Variants in ERCC6 observed in about 807,000 individuals in gnomAD.
The protein encoded by ERCC6 is DNA excision repair protein ERCC-6.
Under a neutral mutation model 158.7 loss-of-function variants are expected in ERCC6, and 116 were observed. That is an observed-to-expected ratio of 0.73 (90% CI 0.63 to 0.85). ERCC6 has a LOEUF of 0.85. ERCC6 is among the 40% of genes least tolerant of loss of function. The probability of loss-of-function intolerance (pLI) is 0.00; values close to 1 mark genes in which losing one functional copy is unlikely to be tolerated. For synonymous variants in ERCC6, 678 were observed against 659.3 expected (o/e 1.03, Z -0.43); for missense variants, 1,698 against 1,799.4 (o/e 0.94, Z 1.02).
chr10:49,436,925 C>T, the ERCC6 span, among the ~76,000 whole-genome samples: 1 of 151,980 alleles, frequency 6.6e-6, no homozygotes, highest in Non-Finnish European at 1.5e-5. Context: ...CATATCATAC[C>T]ATGGTGAAAC....
chr10:49,475,882 GA>G (rs760374110), intron 12 of ERCC6, among the ~76,000 whole-genome samples: 7 of 152,136 alleles, frequency 4.6e-5, no homozygotes, highest in Non-Finnish European at 8.8e-5. Context: ...TAATATCTGG[GA>G]AAATGCAGCT....
At position 49,474,047 on chromosome 10, in the gene ERCC6, G is replaced by A. The variant is rs1481948844; in HGVS notation, c.2578C>T (p.Leu860=). ...IWHKQGQRVL[L]FSQSRQMLDI... Reference sequence around the variant, plus strand: ...CTCACCTGCCTTGACTGAGAAAACAGCAATACTCGCTGACCCTGCTTGTGC... The same window carrying A: ...CTCACCTGCCTTGACTGAGAAAACAACAATACTCGCTGACCCTGCTTGTGC... Residue 860 remains leucine, a synonymous_variant, in exon 13 of 21, where the codon CTG becomes TTG. Transcript: ENST00000355832. 6.2e-7 allele frequency: 1 copy of A among 1,614,012 alleles called. No homozygotes were observed. The highest frequency in any genetic ancestry group is 8.5e-7 in the Non-Finnish European group (1 of 1,180,008).
chr10:49,490,297 T>C (rs1187585252), intron 8 of ERCC6, among the ~76,000 whole-genome samples: 1 of 151,448 alleles, frequency 6.6e-6, no homozygotes, highest in Non-Finnish European at 1.5e-5. Context: ...GGAAGAAGAA[T>C]GATAGATGTG....
chr10:49,481,814 C>A (rs577050209), intron 10 of ERCC6, among the ~76,000 whole-genome samples: 2 of 152,316 alleles, frequency 1.3e-5, no homozygotes, highest in South Asian at 4.2e-4. Context: ...CCTAAAAATG[C>A]CACCTGCGTC....
chr10:49,537,704 AAAC>A (rs1397791466), intron 1 of ERCC6, among the ~76,000 whole-genome samples: 1 of 152,146 alleles, frequency 6.6e-6, no homozygotes, highest in Non-Finnish European at 1.5e-5. Context: ...TCTTGCAAGG[AAAC>A]AACGTGTGAA....
chr10:49,481,004 TG>T (rs1294555584), intron 10 of ERCC6, among the ~76,000 whole-genome samples: 1 of 152,208 alleles, frequency 6.6e-6, no homozygotes, highest in Non-Finnish European at 1.5e-5. Flanking sequence ...CTCCTATTAA[TG>T]TTAAACTTCG....
chr10:49,529,918 G>C (rs763872687), intron 3 of ERCC6, among the ~76,000 whole-genome samples: 31 of 152,038 alleles, frequency 2.0e-4, no homozygotes, highest in Non-Finnish European at 7.4e-5. Flanking sequence ...AATATCCTAA[G>C]TAACAAATAT....
intron 11 of ERCC6, among the ~76,000 whole-genome samples, chr10:49,477,300 A>C (rs1412605521): frequency 6.6e-6 from 1 of 152,164 alleles, no homozygotes; most frequent in Non-Finnish European, 1.5e-5. Flanking sequence ...TCCCAGAGGA[A>C]GAGGTTCTTG....
At chr10:49,523,653 A>G (rs1165385278) in intron 5 of ERCC6, among the ~76,000 whole-genome samples, 1 of 152,230 alleles carries the variant, frequency 6.6e-6, no homozygotes, top group Non-Finnish European at 1.5e-5. Flanking sequence ...AAGGGAAAAC[A>G]GAAACCCCTA....
chr10:49,471,035 G>A lies in ERCC6; in HGVS notation c.3010C>T (p.Leu1004=), dbSNP rs2274097. The change falls in exon 17 of 21, where the codon CTA becomes TTA. Residue 1004 remains leucine, a synonymous_variant. Transcript: ENST00000355832. The part of the protein sequence containing the change: ...RFFKSNDLYE[L]FTLTSPDASQ... The stretch of plus-strand genomic sequence containing the variant: ...GCATCAGGACTAGTCAGAGTAAATA[G>A]CTCATAGAGATCATTGGATTTGAAA... The A allele has an allele frequency of 3.8e-3, 6,177 of 1,614,068 alleles. 162 individuals carry two copies. In the East Asian group the frequency reaches 0.068, roughly 18 times the overall value.
chr10:49,461,389 C>A lies in ERCC6; in HGVS notation c.3946G>T (p.Gly1316Cys). Residue 1316 changes from glycine (G) to cysteine (C), a missense_variant, in exon 19 of 21, where the codon GGC (glycine) becomes TGC (cysteine). Coordinates refer to ENST00000355832, the MANE Select transcript of ERCC6 (RefSeq NM_000124.4). ...GAVSGVPTWT[G>C]HRGISGAPAG... ...GGTGCACCAGAAATCCCCCTGTGGCCAGTCCAGGTGGGAACACCAGACACT... is the reference window on the plus strand; with the variant it reads ...GGTGCACCAGAAATCCCCCTGTGGCAAGTCCAGGTGGGAACACCAGACACT... 6.2e-7 allele frequency: 1 copy of A among 1,613,894 alleles called. No homozygotes were observed. The highest frequency in any genetic ancestry group is 1.1e-5 in the South Asian group (1 of 91,068).
chr10:49,446,683 C>T, the ERCC6 span, among the ~76,000 whole-genome samples: 12 of 152,030 alleles, frequency 7.9e-5, no homozygotes, highest in Non-Finnish European at 1.5e-4. Context: ...GAGGCTGAGG[C>T]GGGAGGATCA....
At position 49,457,549 on chromosome 10, in the gene ERCC6, T is replaced by C. The variant is rs905638735; in HGVS notation, c.*1266A>G. On this transcript the variant is annotated 3_prime_UTR_variant, in exon 21 of 21. Transcript: ENST00000355832. ...AGCAGACAGAAGATCTGGACACAGC[T>C]ATCCATGTTAAGCATGAGAGAGATG... is the stretch of plus-strand genomic sequence containing the variant. The C allele has an allele frequency of 1.3e-5, 2 of 152,142 alleles. No individual in the cohort carries two copies. The highest frequency in any genetic ancestry group is 2.9e-5 in the Non-Finnish European group (2 of 68,038). 9.4% of individuals were successfully genotyped at this position (152,142 alleles called of 1,614,324 possible).
intron 5 of ERCC6, among the ~76,000 whole-genome samples, chr10:49,512,680 C>A (rs948992798): frequency 1.3e-5 from 2 of 152,188 alleles, no homozygotes; most frequent in Non-Finnish European, 2.9e-5. Flanking sequence ...TTTGCATATA[C>A]ACAATGAGAT....
rs1850498121 is a variant in ERCC6 at position 49,457,237 on chromosome 10, T to A, written c.*1578A>T. ...TCAAGTTTAAGACTTATTGGCCTATTTAAAAATTCTTTCTATGACTTCTAA... is the reference window on the plus strand; with the variant it reads ...TCAAGTTTAAGACTTATTGGCCTATATAAAAATTCTTTCTATGACTTCTAA... On this transcript the variant is annotated 3_prime_UTR_variant, in exon 21 of 21. Transcript: ENST00000355832. The A allele has an allele frequency of 6.6e-6, 1 of 152,202 alleles. No homozygotes were observed. Among genetic ancestry groups the A allele is most frequent in the Admixed American group, 6.5e-5 (1 of 15,286 alleles). 9.4% of individuals were successfully genotyped at this position (152,202 alleles called of 1,614,324 possible).
chr10:49,530,992 AAATAAAAC>A lies in ERCC6; in HGVS notation c.423-160_423-153del, dbSNP rs540326895. On this transcript the variant is annotated intron_variant, in intron 2 of 20. Transcript: ENST00000355832. ...CAGAATACATACCCTTATTGGCCACAAATAAAACTTGTAGGATCATTAGAGGTTTAAGA... is the reference window on the plus strand; with the variant it reads ...CAGAATACATACCCTTATTGGCCACATTGTAGGATCATTAGAGGTTTAAGA... The A allele has an allele frequency of 1.8e-5, 20 of 1,134,032 alleles. No individual in the cohort carries two copies. In the African/African-American group the frequency reaches 3.0e-4, roughly 17 times the overall value. 70.2% of individuals were successfully genotyped at this position (1,134,032 alleles called of 1,614,324 possible).
At position 49,472,935 on chromosome 10, in the gene ERCC6, C is replaced by G. The variant is rs41557921; in HGVS notation, c.2803G>C (p.Asp935His). 6.2e-7 allele frequency: 1 copy of G among 1,614,018 alleles called. No individual in the cohort carries two copies. Among genetic ancestry groups the G allele is most frequent in the African/African-American group, 1.3e-5 (1 of 75,022 alleles). Residue 935 changes from aspartate (D) to histidine (H), a missense_variant, in exon 15 of 21, where the codon GAC (aspartate) becomes CAC (histidine). Coordinates refer to ENST00000355832, the MANE Select transcript of ERCC6 (RefSeq NM_000124.4). ...GANRVVIYDP[D>H]WNPSTDTQAR... ...TGCGTGTCCGTGCTTGGGTTCCAGT[C>G]TGGGTCATAGATGACAACTCTGTTT... is the stretch of plus-strand genomic sequence containing the variant.
chr10:49,490,879 T>A (rs940611846), intron 8 of ERCC6, among the ~76,000 whole-genome samples: 8 of 152,294 alleles, frequency 5.3e-5, no homozygotes, highest in Non-Finnish European at 1.2e-4. Context: ...AGAAAGCTCA[T>A]CCACTGTAAA....
chr10:49,473,696 G>A, intron 13 of ERCC6, 109 bp from the exon 14 acceptor site: 1 of 783,896 alleles, frequency 1.3e-6, no homozygotes, highest in Non-Finnish European at 2.3e-6. Context: ...TATGTTAAAA[G>A]GAGTTTCTTG....
Sources: gnomAD v4.1 joint callset for allele counts (sites outside exome capture counted in the v4.1 genomes callset) on GRCh38, gnomAD v4.1.1 for gene constraint, MANE v1.5 for transcripts, NCBI Gene and HGNC (gene_info 2026-07-23, HGNC 2026-07-21) for gene names.